NELL1: variants seen among roughly 807,000 people sequenced by gnomAD.
NELL1 encodes protein kinase C-binding protein NELL1.
In NELL1, 76 loss-of-function variants were observed where a neutral mutation model predicts 107.4. The observed-to-expected ratio is 0.71, with a 90% CI of 0.59 to 0.86. NELL1 has a LOEUF of 0.86. NELL1 is among the 40% of genes least tolerant of loss of function. The pLI is 0.00. For synonymous variants in NELL1, 353 were observed against 341.2 expected, an observed-to-expected ratio of 1.03 and a Z score of -0.38; for missense variants, 1,024 against 1,005.5, an observed-to-expected ratio of 1.02 and a Z score of -0.25.
chr11:21,496,408 GTTT>G (rs749782963), intron 15 of NELL1, among the ~76,000 whole-genome samples: 5 of 121,270 alleles, frequency 4.1e-5, no homozygotes, highest in African/African-American at 9.5e-5. Flanking sequence ...TTCTTCTCTT[GTTT>G]TTTTTTTTTT....
At chr11:20,989,943 G>A (rs1392325537) in intron 12 of NELL1, among the ~76,000 whole-genome samples, 3 of 150,698 alleles carry the variant, frequency 2.0e-5, no homozygotes, top group African/African-American at 7.3e-5. Context: ...CTTGCAGTGA[G>A]CCGAGATCGC....
At chr11:21,191,135 T>C (rs746109946) in intron 13 of NELL1, among the ~76,000 whole-genome samples, 8 of 151,704 alleles carry the variant, frequency 5.3e-5, no homozygotes, top group Non-Finnish European at 1.0e-4. Context: ...AACCTGTTAA[T>C]ATATTAGGTT....
At chr11:21,095,136 A>G (rs780086503) in intron 12 of NELL1, among the ~76,000 whole-genome samples, 22 of 152,270 alleles carry the variant, frequency 1.4e-4, no homozygotes, top group African/African-American at 5.3e-4. Context: ...GTCAAGTTCA[A>G]AGTTCCACAC....
At chr11:21,407,031 C>T (rs1379253984) in intron 15 of NELL1, among the ~76,000 whole-genome samples, 5 of 152,008 alleles carry the variant, frequency 3.3e-5, no homozygotes, top group African/African-American at 7.2e-5. Flanking sequence ...TTAGCTTCCA[C>T]GTATGAGTGA....
At chr11:20,926,738 CCTT>C (rs1412206513) in intron 7 of NELL1, among the ~76,000 whole-genome samples, 3 of 152,180 alleles carry the variant, frequency 2.0e-5, no homozygotes, top group Admixed American at 6.6e-5. Flanking sequence ...CTTTTCCTGT[CCTT>C]CTTCTAAGCA....
chr11:20,803,527 CTTCGT>C lies in NELL1; in HGVS notation c.335+19701_335+19705del, dbSNP rs376243301. Among the ~76,000 whole-genome samples the C allele has an allele frequency of 4.1e-3, 627 of 151,962 alleles. 4 individuals are homozygous for C. Among genetic ancestry groups the C allele is most frequent in the African/African-American group, 0.014 (589 of 41,458 alleles). On this transcript the variant is annotated intron_variant, in intron 3 of 19. Transcript: ENST00000357134. ...CTTTCATTGATCTTTTGTATTGTTTCTTCGTTTCAATTTCATTGGTTTCTGCTCTG... is the reference window on the plus strand; with the variant it reads ...CTTTCATTGATCTTTTGTATTGTTTCTTCAATTTCATTGGTTTCTGCTCTG...
chr11:20,897,116 G>A (rs1161260668), intron 5 of NELL1, among the ~76,000 whole-genome samples: 2 of 152,104 alleles, frequency 1.3e-5, no homozygotes, highest in African/African-American at 4.8e-5. Context: ...TCAATCCTAA[G>A]CCAAAAGACC....
At chr11:21,049,276 G>A (rs530847594) in intron 12 of NELL1, among the ~76,000 whole-genome samples, 7 of 152,156 alleles carry the variant, frequency 4.6e-5, no homozygotes, top group East Asian at 1.9e-4. Flanking sequence ...TTCCAGAATC[G>A]GAAGGAATAA....
At chr11:21,229,542 TGGTGGAACACAGCCAG>T in intron 14 of NELL1, 88 bp downstream of exon 14, 1 of 1,556,134 alleles carries the variant, frequency 6.4e-7, no homozygotes, top group South Asian at 1.1e-5. Context: ...TGGTAACTCT[TGGTGGAACACAGCCAG>T]GGTTCCTGCT....
At chr11:21,137,806 G>A (rs1008322919) in intron 13 of NELL1, among the ~76,000 whole-genome samples, 2 of 152,184 alleles carry the variant, frequency 1.3e-5, no homozygotes, top group African/African-American at 2.4e-5. Context: ...GGTCCAAGCC[G>A]GAAGAGGGGG....
At chr11:21,240,521 T>A (rs1858325928) in intron 14 of NELL1, among the ~76,000 whole-genome samples, 1 of 151,994 alleles carries the variant, frequency 6.6e-6, no homozygotes, top group African/African-American at 2.4e-5. Context: ...AAACTAATTA[T>A]CTCATCTAAG....
intron 13 of NELL1, among the ~76,000 whole-genome samples, chr11:21,120,020 A>G (rs534965747): frequency 6.6e-6 from 1 of 152,280 alleles, no homozygotes; most frequent in South Asian, 2.1e-4. Flanking sequence ...AAGGTAAGAA[A>G]TAAAGGGAAC....
chr11:21,511,830 T>C (rs941587130), intron 15 of NELL1, among the ~76,000 whole-genome samples: 6 of 152,136 alleles, frequency 3.9e-5, no homozygotes, highest in Non-Finnish European at 7.4e-5. Flanking sequence ...ACAGTCTAGA[T>C]CTTATAGGGA....
intron 2 of NELL1, among the ~76,000 whole-genome samples, chr11:20,690,654 G>A (rs1371497368): frequency 6.6e-6 from 1 of 151,524 alleles, no homozygotes; most frequent in Non-Finnish European, 1.5e-5. Context: ...CTCTGTTTTG[G>A]TACCAGTACC....
intron 12 of NELL1, among the ~76,000 whole-genome samples, chr11:21,018,118 G>A (rs1272334270): frequency 6.6e-6 from 1 of 152,000 alleles, no homozygotes; most frequent in Non-Finnish European, 1.5e-5. Context: ...TATTTATCAG[G>A]CTTGATTGAC....
In NELL1 at chr11:21,507,472, AAATGAC is replaced by A. The variant is rs1258733239; in HGVS notation, c.1646-26898_1646-26893del. On this transcript the variant is annotated intron_variant, in intron 15 of 19. Coordinates refer to ENST00000357134, the MANE Select transcript of NELL1 (RefSeq NM_006157.5). Reference sequence around the variant, plus strand: ...ATAATTTGAGTGGAAGAAATATAATAAATGACAATAACATGTCCAAGCCTTTAGAAA... The same window carrying A: ...ATAATTTGAGTGGAAGAAATATAATAAATAACATGTCCAAGCCTTTAGAAA... 5.3e-4 allele frequency among the ~76,000 whole-genome samples: 81 copies of A among 152,322 alleles called. 1 individual carries two copies. In the Middle Eastern group the frequency reaches 0.01, roughly 19 times the overall value.
chr11:21,399,329 A>C (rs777081204), intron 15 of NELL1, among the ~76,000 whole-genome samples: 13 of 151,728 alleles, frequency 8.6e-5, no homozygotes, highest in Non-Finnish European at 1.6e-4. Flanking sequence ...CAATCGCTTC[A>C]GTTGCTATTT....
intron 16 of NELL1, among the ~76,000 whole-genome samples, chr11:21,555,439 G>T (rs541166900): frequency 1.4e-4 from 21 of 152,012 alleles, no homozygotes; most frequent in African/African-American, 5.1e-4. Flanking sequence ...AGTAAATGCG[G>T]ATAGTTGCTA....
intron 14 of NELL1, among the ~76,000 whole-genome samples, chr11:21,361,621 T>C (rs765830396): frequency 1.3e-5 from 2 of 152,204 alleles, no homozygotes; most frequent in Non-Finnish European, 2.9e-5. Context: ...GGAACACCAA[T>C]TATCCTTATG....
Sources: allele counts gnomAD v4.1 joint callset (sites outside exome capture counted in the v4.1 genomes callset), GRCh38; gene constraint gnomAD v4.1.1; transcripts MANE v1.5; gene names NCBI Gene and HGNC (gene_info 2026-07-23, HGNC 2026-07-21).